The following STRIP2 variants were observed in gnomAD, a reference collection of about 807,000 sequenced individuals.
The protein encoded by STRIP2 is striatin interacting protein 2.
Under a neutral mutation model 107.1 loss-of-function variants are expected in STRIP2, and 84 were observed. The ratio of observed to expected loss-of-function variants is 0.78; its 90% confidence interval spans 0.66 to 0.94. The LOEUF (loss-of-function observed/expected upper bound fraction) is 0.94, where lower values mean the gene tolerates loss of function less well. Among genes scored for constraint, STRIP2 ranks in the 40% least tolerant of loss-of-function variants. The probability of loss-of-function intolerance (pLI) is 0.00; values close to 1 mark genes in which losing one functional copy is unlikely to be tolerated. For missense variants in STRIP2, 888 were observed against 1,034.2 expected, an observed-to-expected ratio of 0.86 and a Z score of 1.94; for synonymous variants, 394 against 400.4, an observed-to-expected ratio of 0.98 and a Z score of 0.19.
Position 129,480,789 on chromosome 7 carries a change from C to T in STRIP2, c.1949C>T (p.Ala650Val). ...GATGGATGTTCCCTACTATAGGAAG[C>T]TGGAGACAACAGCCAGTTCTGCTGG... is the stretch of plus-strand genomic sequence containing the variant. ...LPELTTESLE[A>V]GDNSQFCWRN... is the part of the protein sequence containing the mutation. The change falls in exon 19 of 21, where the codon GCT (alanine) becomes GTT (valine). Residue 650 changes from alanine to valine, a missense_variant. By Grantham distance (64) the Ala-to-Val change is moderately conservative. Transcript: ENST00000249344. The T allele has an allele frequency of 6.2e-7, 1 of 1,612,900 alleles. No homozygotes were observed.
At chr7:129,478,819 C>CT (rs1192931482) in intron 18 of STRIP2, among the ~76,000 whole-genome samples, 2 of 152,152 alleles carry the variant, frequency 1.3e-5, no homozygotes, top group Non-Finnish European at 2.9e-5. Flanking sequence ...TCCAATGCTG[C>CT]TTCTACAAGG....
At chr7:129,462,126 G>A (rs1416789883) in intron 13 of STRIP2, among the ~76,000 whole-genome samples, 2 of 152,234 alleles carry the variant, frequency 1.3e-5, no homozygotes, top group Non-Finnish European at 2.9e-5. Context: ...GTGGGCAAAG[G>A]AGTTGGTTTG....
chr7:129,438,994 T>A (rs1797826736), intron 1 of STRIP2, among the ~76,000 whole-genome samples: 2 of 152,164 alleles, frequency 1.3e-5, no homozygotes, highest in Non-Finnish European at 2.9e-5. Flanking sequence ...TGAACCTAGT[T>A]GTTTCTGGGT....
At chr7:129,436,318 T>C (rs908140141) in intron 1 of STRIP2, among the ~76,000 whole-genome samples, 1 of 152,220 alleles carries the variant, frequency 6.6e-6, no homozygotes, top group Non-Finnish European at 1.5e-5. Context: ...AATAAAAGTC[T>C]CTGCCTGGGT....
chr7:129,482,829 T>C lies in STRIP2; in HGVS notation c.2050-13T>C. The stretch of plus-strand genomic sequence containing the variant: ...ACGTTAGATCTTTACCCCACCCCTC[T>C]TTCAATGAACAGATGCTGGTAGTGT... On this transcript the variant is annotated splice_polypyrimidine_tract_variant and intron_variant, in intron 19 of 20. Transcript: ENST00000249344. 1 of 1,613,164 alleles carries C rather than the reference T, an allele frequency of 6.2e-7. No homozygotes were observed. The highest frequency in any genetic ancestry group is 8.5e-7 in the Non-Finnish European group (1 of 1,179,164).
Position 129,451,706 on chromosome 7 carries a change from G to C in STRIP2, c.368G>C (p.Arg123Pro). The C allele has an allele frequency of 6.2e-7, 1 of 1,614,046 alleles. No homozygotes were observed. Among genetic ancestry groups the C allele is most frequent in the Non-Finnish European group, 8.5e-7 (1 of 1,180,032 alleles). The change falls in exon 4 of 21, where the codon CGG (arginine) becomes CCG (proline). Residue 123 changes from arginine (R) to proline (P), a missense_variant. Transcript: ENST00000249344. ...LDRLEVVSRE[R>P]RLKVARAVLY... Reference sequence around the variant, plus strand: ...CGGCTAGAGGTGGTCAGTAGGGAACGGCGGCTGAAGGTGGCCCGGGCTGTT... The same window carrying C: ...CGGCTAGAGGTGGTCAGTAGGGAACCGCGGCTGAAGGTGGCCCGGGCTGTT...
chr7:129,484,250 G>T (rs1479601769), intron 20 of STRIP2, among the ~76,000 whole-genome samples: 1 of 152,196 alleles, frequency 6.6e-6, no homozygotes, highest in Non-Finnish European at 1.5e-5. Flanking sequence ...TTTGGCTGCA[G>T]TATGTCCTAG....
chr7:129,444,370 T>G (rs190738173), intron 3 of STRIP2, among the ~76,000 whole-genome samples: 1 of 152,138 alleles, frequency 6.6e-6, no homozygotes, highest in Admixed American at 6.5e-5. Flanking sequence ...ACTGAAGAAC[T>G]TGGAGTCCGA....
intron 1 of STRIP2, among the ~76,000 whole-genome samples, chr7:129,435,016 T>C (rs562711831): frequency 1.3e-5 from 2 of 152,306 alleles, no homozygotes; most frequent in East Asian, 3.9e-4. Context: ...GAAAGCAGGA[T>C]TGGCGAGTGG....
At chr7:129,449,987 T>G (rs554732639) in intron 3 of STRIP2, among the ~76,000 whole-genome samples, 3 of 152,242 alleles carry the variant, frequency 2.0e-5, no homozygotes, top group Non-Finnish European at 4.4e-5. Flanking sequence ...AAAGGTATTA[T>G]GTATAGTCAC....
At chr7:129,462,456 G>A (rs1350556711) in intron 13 of STRIP2, among the ~76,000 whole-genome samples, 7 of 152,196 alleles carry the variant, frequency 4.6e-5, no homozygotes, top group East Asian at 3.8e-4. Flanking sequence ...GTCATCAACA[G>A]GACAGAGATA....
At chr7:129,446,354 T>A (rs913640728) in intron 3 of STRIP2, among the ~76,000 whole-genome samples, 1 of 152,212 alleles carries the variant, frequency 6.6e-6, no homozygotes, top group South Asian at 2.1e-4. Flanking sequence ...CTTTCCCCAA[T>A]TTTTTTGTCA....
rs758536953 is a variant in STRIP2 at position 129,450,918 on chromosome 7, C to CTTTTTT, written c.275-664_275-659dup. Among the ~76,000 whole-genome samples the CTTTTTT allele has an allele frequency of 5.3e-4, 29 of 54,512 alleles. 7 individuals carry two copies. The highest frequency in any genetic ancestry group is 1.7e-3 in the African/African-American group (22 of 12,684). 35.8% of individuals were successfully genotyped at this position (54,512 alleles called of 152,430 possible). A position where few individuals can be genotyped will look rare whatever the true frequency, so the allele number is the denominator to read the frequency against. ...GGCCACAGCATTAGTGAGAAAGGTC[C>CTTTTTT]TTTTTTTTTTTTTTTTTTTTTTTTT... On this transcript the variant is annotated intron_variant, in intron 3 of 20. Transcript: ENST00000249344.
Position 129,463,019 on chromosome 7 carries a change from G to C in STRIP2, c.1530G>C (p.Leu510=). The C allele has an allele frequency of 6.2e-7, 1 of 1,613,940 alleles. No individual in the cohort carries two copies. The highest frequency in any genetic ancestry group is 1.7e-5 in the Admixed American group (1 of 60,012). The stretch of plus-strand genomic sequence containing the variant: ...GTGAAATCCTCTACCAGGGAATGCT[G>C]TACAGCCTTCCGCAGTATATGGTAA... ...TPCEILYQGM[L]YSLPQYMIAL... is the part of the protein sequence containing the mutation. The change falls in exon 14 of 21, where the codon CTG becomes CTC. Residue 510 remains leucine (L), a synonymous_variant. Coordinates refer to ENST00000249344, the MANE Select transcript of STRIP2 (RefSeq NM_020704.3).
intron 1 of STRIP2, 100 bp from the exon 2 acceptor site, chr7:129,439,922 G>T: frequency 1.1e-6 from 1 of 903,924 alleles, no homozygotes; most frequent in Non-Finnish European, 1.8e-6. Flanking sequence ...ATCTAACCTT[G>T]GCCTCCATGA....
chr7:129,440,805 C>G (rs1347245206), intron 2 of STRIP2, among the ~76,000 whole-genome samples: 2 of 152,108 alleles, frequency 1.3e-5, no homozygotes, highest in Non-Finnish European at 2.9e-5. Context: ...AATAAACAAG[C>G]TTTGGGTGGA....
chr7:129,440,415 C>T (rs1025130403), intron 2 of STRIP2, among the ~76,000 whole-genome samples: 1 of 152,170 alleles, frequency 6.6e-6, no homozygotes. Context: ...CATATTCCTT[C>T]TCTTTTTCTC....
At chr7:129,474,548 C>T (rs925636580) in intron 18 of STRIP2, among the ~76,000 whole-genome samples, 2 of 151,752 alleles carry the variant, frequency 1.3e-5, no homozygotes, top group African/African-American at 4.8e-5. Flanking sequence ...TTGAGACAGT[C>T]GCCCAGACTG....
Position 129,485,864 on chromosome 7 carries a change from G to A in STRIP2, c.*35G>A. On this transcript the variant is annotated 3_prime_UTR_variant, in exon 21 of 21. Coordinates refer to ENST00000249344, the MANE Select transcript of STRIP2 (RefSeq NM_020704.3). ...TGTCAACAAGCATCAATAGATAGAG[G>A]TCAGCTCCAATAAACTGTGCTCTGC... is the stretch of plus-strand genomic sequence containing the variant. 1 of 1,610,374 alleles carries A rather than the reference G, an allele frequency of 6.2e-7. No individual in the cohort carries two copies. Among genetic ancestry groups the A allele is most frequent in the Non-Finnish European group, 8.5e-7 (1 of 1,178,864 alleles).
Sources: allele counts gnomAD v4.1 joint callset (sites outside exome capture counted in the v4.1 genomes callset), GRCh38; gene constraint gnomAD v4.1.1; transcripts MANE v1.5; gene names NCBI Gene and HGNC (gene_info 2026-07-23, HGNC 2026-07-21).